Variants in VPS13B observed in about 807,000 individuals in gnomAD.
VPS13B encodes vacuolar protein sorting 13 homolog B.
Under a neutral mutation model 426.4 loss-of-function variants are expected in VPS13B, and 285 were observed. The observed-to-expected ratio is 0.67, with a 90% confidence interval of 0.61 to 0.74. VPS13B has a LOEUF of 0.74. VPS13B is among the 30% of genes least tolerant of loss of function. VPS13B has a pLI of 0.00. For missense variants in VPS13B, 4,537 were observed against 4,782.6 expected (o/e 0.95, Z 1.51); for synonymous variants, 1,676 against 1,676.4 (o/e 1.00, Z 0.01).
intron 19 of VPS13B, among the ~76,000 whole-genome samples, chr8:99,349,202 G>T (rs1460151710): frequency 1.4e-5 from 2 of 147,528 alleles, no homozygotes; most frequent in Admixed American, 6.7e-5. Flanking sequence ...GCGTAGTGGC[G>T]GGCGCCTGTA....
intron 2 of VPS13B, 142 bp downstream of exon 2, chr8:99,014,077 C>G: frequency 6.2e-6 from 3 of 486,554 alleles, no homozygotes; most frequent in Non-Finnish European, 3.4e-6. Flanking sequence ...AACAAGGGGG[C>G]TTTATTTTAC....
chr8:99,490,038 G>A (rs1354226787), intron 25 of VPS13B, among the ~76,000 whole-genome samples: 1 of 152,092 alleles, frequency 6.6e-6, no homozygotes, highest in Non-Finnish European at 1.5e-5. Flanking sequence ...TTGGCTGTGG[G>A]TTTGTCATAA....
At chr8:99,218,030 CT>C (rs1349404645) in intron 17 of VPS13B, among the ~76,000 whole-genome samples, 1 of 152,126 alleles carries the variant, frequency 6.6e-6, no homozygotes, top group Non-Finnish European at 1.5e-5. Flanking sequence ...GGGCTGCTCC[CT>C]TAAAGGTATG....
chr8:99,053,052 A>G (rs1397762553), intron 3 of VPS13B, among the ~76,000 whole-genome samples: 1 of 151,524 alleles, frequency 6.6e-6, no homozygotes, highest in Admixed American at 6.6e-5. Flanking sequence ...CTCTGATCTT[A>G]GTTATTTCTT....
At chr8:99,621,366 C>T (rs1010641583) in intron 33 of VPS13B, among the ~76,000 whole-genome samples, 9 of 152,296 alleles carry the variant, frequency 5.9e-5, no homozygotes, top group East Asian at 3.9e-4. Flanking sequence ...ATAGTTAGGA[C>T]AAGATCTTGA....
At chr8:99,046,089 G>A (rs1261778931) in intron 3 of VPS13B, among the ~76,000 whole-genome samples, 1 of 152,026 alleles carries the variant, frequency 6.6e-6, no homozygotes, top group African/African-American at 2.4e-5. Flanking sequence ...AAGGATGATG[G>A]TGGCATTTTT....
At chr8:99,832,703 T>C (rs762860412) in intron 52 of VPS13B, 51 bp downstream of exon 52, 1 of 1,590,138 alleles carries the variant, frequency 6.3e-7, no homozygotes, top group Non-Finnish European at 8.6e-7. Context: ...TCAGTCTAGC[T>C]GTTCATCTAG....
chr8:99,859,257 T>C, intron 56 of VPS13B, 47 bp from the exon 57 acceptor site: 1 of 1,610,634 alleles, frequency 6.2e-7, no homozygotes, highest in African/African-American at 1.3e-5. Context: ...ATGTTGAAAG[T>C]TCTGCATTTG....
intron 40 of VPS13B, among the ~76,000 whole-genome samples, chr8:99,767,819 T>C (rs923523124): frequency 6.6e-6 from 1 of 152,090 alleles, no homozygotes; most frequent in African/African-American, 2.4e-5. Context: ...TTCCAGCTAC[T>C]TGGGAAGCTG....
intron 17 of VPS13B, among the ~76,000 whole-genome samples, chr8:99,248,901 C>T (rs989654659): frequency 1.3e-5 from 2 of 151,984 alleles, no homozygotes; most frequent in African/African-American, 4.8e-5. Context: ...GTGACATTTA[C>T]ATACAATCAA....
chr8:99,642,787 T>C (rs1267032593), intron 34 of VPS13B, among the ~76,000 whole-genome samples: 1 of 152,218 alleles, frequency 6.6e-6, no homozygotes, highest in Non-Finnish European at 1.5e-5. Flanking sequence ...GTTTCCAGTG[T>C]TTGGAAAGCA....
At chr8:99,064,406 A>T (rs995284865) in intron 3 of VPS13B, among the ~76,000 whole-genome samples, 1 of 152,144 alleles carries the variant, frequency 6.6e-6, no homozygotes. Flanking sequence ...TATAGAGAAG[A>T]CCTTAAATGA....
intron 33 of VPS13B, among the ~76,000 whole-genome samples, chr8:99,622,118 A>G (rs1828382714): frequency 6.6e-6 from 1 of 152,144 alleles, no homozygotes; most frequent in Non-Finnish European, 1.5e-5. Flanking sequence ...ACAATTAAAA[A>G]GTCTTGTGCA....
chr8:99,233,727 T>C, intron 17 of VPS13B: 1 of 782,010 alleles, frequency 1.3e-6, no homozygotes, highest in Non-Finnish European at 2.4e-6. Context: ...ATTGTTATCT[T>C]GGTCCCTGTT....
intron 19 of VPS13B, among the ~76,000 whole-genome samples, chr8:99,312,934 A>T (rs1218200804): frequency 1.3e-5 from 2 of 152,072 alleles, no homozygotes; most frequent in Non-Finnish European, 2.9e-5. Flanking sequence ...TCAATCCCTG[A>T]TGCCCTTTCT....
intron 34 of VPS13B, among the ~76,000 whole-genome samples, chr8:99,654,328 G>T (rs571062951): frequency 2.0e-4 from 31 of 152,172 alleles, no homozygotes; most frequent in African/African-American, 6.3e-4. Flanking sequence ...GATTACAGGC[G>T]TGAGCCACCA....
At position 99,487,686 on chromosome 8, in the gene VPS13B, A is replaced by C. The variant is rs1820386681; in HGVS notation, c.3870+5884A>C. Among the ~76,000 whole-genome samples, 3 of 152,164 alleles carry C rather than the reference A, an allele frequency of 2.0e-5. 1 individual carries two copies. The South Asian group carries it at 6.2e-4, about 32-fold the overall frequency. On this transcript the variant is annotated intron_variant, in intron 25 of 61. Transcript: ENST00000357162. ...CCTATTCTAGGTACTTCATATAAGAAGAATCGTATGGTATTTGTCCTTTTG... is the reference window on the plus strand; with the variant it reads ...CCTATTCTAGGTACTTCATATAAGACGAATCGTATGGTATTTGTCCTTTTG...
chr8:99,730,839 C>T (rs1199113427), intron 39 of VPS13B, among the ~76,000 whole-genome samples: 1 of 151,480 alleles, frequency 6.6e-6, no homozygotes, highest in African/African-American at 2.4e-5. Flanking sequence ...TCAGGAGGGA[C>T]AAGTACATAA....
At chr8:99,402,625 G>A (rs1041604477) in intron 21 of VPS13B, among the ~76,000 whole-genome samples, 2 of 151,982 alleles carry the variant, frequency 1.3e-5, no homozygotes, top group Non-Finnish European at 2.9e-5. Context: ...AGTGAAAGAA[G>A]TCTTTCCTCC....
Sources: gnomAD v4.1 joint callset for allele counts (sites outside exome capture counted in the v4.1 genomes callset) on GRCh38, gnomAD v4.1.1 for gene constraint, MANE v1.5 for transcripts, NCBI Gene and HGNC (gene_info 2026-07-23, HGNC 2026-07-21) for gene names.